Variants in NDUFS4 observed in about 807,000 individuals in gnomAD.
NDUFS4 encodes the protein NADH:ubiquinone oxidoreductase subunit S4.
A neutral mutation model predicts 24.3 loss-of-function variants in NDUFS4; 28 were observed. The ratio of observed to expected loss-of-function variants is 1.15; its 90% CI spans 0.85 to 1.58. The LOEUF (loss-of-function observed/expected upper bound fraction) is 1.58. NDUFS4 is among the 40% of genes most tolerant of loss of function. NDUFS4 has a pLI of 0.00. For synonymous variants in NDUFS4, 93 were observed against 69.7 expected (o/e 1.34, Z -1.67); for missense variants, 223 against 207.9 (o/e 1.07, Z -0.45).
At chr5:53,647,317 C>T (rs562107003) in intron 3 of NDUFS4, among the ~76,000 whole-genome samples, 3 of 152,008 alleles carry the variant, frequency 2.0e-5, no homozygotes, top group Admixed American at 6.6e-5. Context: ...GATGATCAAG[C>T]GGTCCTCCCA....
intron 2 of NDUFS4, among the ~76,000 whole-genome samples, chr5:53,616,927 G>T (rs77184606): frequency 5.3e-5 from 8 of 152,216 alleles, no homozygotes; most frequent in Admixed American, 5.2e-4. Flanking sequence ...TAACAATTTG[G>T]TGATTTTTTT....
chr5:53,630,060 T>C (rs1020363229), intron 2 of NDUFS4, among the ~76,000 whole-genome samples: 2 of 152,174 alleles, frequency 1.3e-5, no homozygotes, highest in East Asian at 1.9e-4. Context: ...GGAGTTCTTG[T>C]TAAGGCAGGC....
intron 2 of NDUFS4, among the ~76,000 whole-genome samples, chr5:53,616,172 T>C (rs1750832385): frequency 6.6e-6 from 1 of 152,098 alleles, no homozygotes; most frequent in Non-Finnish European, 1.5e-5. Context: ...TACTTGTCTC[T>C]TATTTATAAT....
intron 1 of NDUFS4, among the ~76,000 whole-genome samples, chr5:53,581,073 TCTG>T (rs1443718005): frequency 1.3e-5 from 2 of 152,156 alleles, no homozygotes; most frequent in Non-Finnish European, 2.9e-5. Flanking sequence ...CCTCAGGTGA[TCTG>T]CTTGCCTTGG....
At chr5:53,645,909 T>C (rs1751846257) in intron 2 of NDUFS4, among the ~76,000 whole-genome samples, 1 of 152,138 alleles carries the variant, frequency 6.6e-6, no homozygotes, top group Non-Finnish European at 1.5e-5. Context: ...GCTCACAAAG[T>C]AAGAGCATTG....
At position 53,562,629 on chromosome 5, in the gene NDUFS4, T is replaced by C. The variant is rs374375827; in HGVS notation, c.98+1869T>C. Among the ~76,000 whole-genome samples the C allele has an allele frequency of 1.2e-4, 18 of 152,280 alleles. 1 individual carries two copies. In the East Asian group the frequency reaches 2.3e-3, roughly 20 times the overall value. ...AAATACAAATTAACACATTTATTTG[T>C]TTTCTGTGCCACATTTTTACCCTAA... On this transcript the variant is annotated intron_variant, in intron 1 of 4. Transcript: ENST00000296684.
intron 3 of NDUFS4, among the ~76,000 whole-genome samples, chr5:53,653,722 A>G (rs937688149): frequency 5.3e-5 from 8 of 151,818 alleles, no homozygotes. Context: ...GACTTTTTTC[A>G]GTGTATGTAT....
intron 1 of NDUFS4, among the ~76,000 whole-genome samples, chr5:53,586,771 C>T (rs1749771424): frequency 6.6e-6 from 1 of 151,854 alleles, no homozygotes; most frequent in South Asian, 2.1e-4. Context: ...GATCCGCCTG[C>T]CTTGGCCTCC....
intron 4 of NDUFS4, among the ~76,000 whole-genome samples, chr5:53,682,510 C>CAATT (rs1221823890): frequency 6.9e-6 from 1 of 145,000 alleles, no homozygotes; most frequent in Non-Finnish European, 1.5e-5. Flanking sequence ...CATCTGAGTC[C>CAATT]AATTAGTGCA....
At chr5:53,561,197 G>A (rs1437007853) in intron 1 of NDUFS4, among the ~76,000 whole-genome samples, 1 of 152,114 alleles carries the variant, frequency 6.6e-6, no homozygotes, top group Non-Finnish European at 1.5e-5. Flanking sequence ...GTTTTAAGTG[G>A]TTTTAATTTG....
At chr5:53,618,074 T>G (rs941949039) in intron 2 of NDUFS4, among the ~76,000 whole-genome samples, 1 of 152,068 alleles carries the variant, frequency 6.6e-6, no homozygotes, top group Non-Finnish European at 1.5e-5. Flanking sequence ...CCTAGGAGTT[T>G]GAGACCAGCC....
At chr5:53,575,530 C>CTTTTTTTTT (rs36051026) in intron 1 of NDUFS4, among the ~76,000 whole-genome samples, 1 of 76,118 alleles carries the variant, frequency 1.3e-5, no homozygotes, top group Non-Finnish European at 2.2e-5. Flanking sequence ...TGATCAGATT[C>CTTTTTTTTT]TTTTTTTTTT....
intron 4 of NDUFS4, among the ~76,000 whole-genome samples, chr5:53,676,692 G>A (rs1008471740): frequency 1.6e-4 from 24 of 152,156 alleles, no homozygotes; most frequent in African/African-American, 5.6e-4. Flanking sequence ...GCTAAAACAA[G>A]AAGGCAGAGC....
At chr5:53,643,535 C>T (rs1003614442) in intron 2 of NDUFS4, among the ~76,000 whole-genome samples, 1 of 152,106 alleles carries the variant, frequency 6.6e-6, no homozygotes, top group African/African-American at 2.4e-5. Flanking sequence ...TCAAGTGTTA[C>T]ATTGTTTTAA....
chr5:53,653,888 T>G (rs1752088933), intron 3 of NDUFS4, among the ~76,000 whole-genome samples: 1 of 152,176 alleles, frequency 6.6e-6, no homozygotes, highest in Non-Finnish European at 1.5e-5. Context: ...TGAGTATTGC[T>G]AATATTTAAA....
At chr5:53,663,997 T>C (rs1016754563) in intron 4 of NDUFS4, among the ~76,000 whole-genome samples, 1 of 152,208 alleles carries the variant, frequency 6.6e-6, no homozygotes, top group Admixed American at 6.5e-5. Context: ...TGTGTAGTGC[T>C]TCCTTCAAGA....
At chr5:53,604,882 C>CT (rs1477823930) in intron 2 of NDUFS4, 1 of 456,144 alleles carries the variant, frequency 2.2e-6, no homozygotes, top group African/African-American at 2.0e-5. Flanking sequence ...CACCATCTAC[C>CT]TATTCTTCAA....
intron 1 of NDUFS4, among the ~76,000 whole-genome samples, chr5:53,587,618 C>T (rs1749806185): frequency 6.6e-6 from 1 of 150,672 alleles, no homozygotes; most frequent in Admixed American, 6.6e-5. Context: ...CGCTCTGTCT[C>T]ACAGGCTGGA....
intron 1 of NDUFS4, among the ~76,000 whole-genome samples, chr5:53,585,112 G>A (rs72751826): frequency 0.16 from 24,997 of 152,086 alleles, 2,281 homozygotes; most frequent in Non-Finnish European, 0.21. Flanking sequence ...TAAAATTATG[G>A]GATATTATGA....
Sources: allele counts gnomAD v4.1 joint callset (sites outside exome capture counted in the v4.1 genomes callset), GRCh38; gene constraint gnomAD v4.1.1; transcripts MANE v1.5; gene names NCBI Gene and HGNC (gene_info 2026-07-23, HGNC 2026-07-21).